The following TMC1 variants were observed in gnomAD, a reference collection of about 807,000 sequenced individuals.
TMC1 encodes the protein transmembrane channel like 1, also known as transmembrane channel-like protein 1.
Under a neutral mutation model 105.8 loss-of-function variants are expected in TMC1, and 84 were observed. The observed-to-expected ratio is 0.79, with a 90% CI of 0.67 to 0.95. The LOEUF (loss-of-function observed/expected upper bound fraction) is 0.95, where lower values mean the gene tolerates loss of function less well. Among genes scored for constraint, TMC1 ranks in the 40% least tolerant of loss-of-function variants. TMC1 has a pLI of 0.00. For synonymous variants in TMC1, 315 were observed against 311.5 expected (o/e 1.01, Z -0.12); for missense variants, 817 against 914.1 (o/e 0.89, Z 1.37).
At chr9:72,728,341 G>A (rs191153697) in intron 8 of TMC1, among the ~76,000 whole-genome samples, 1 of 152,264 alleles carries the variant, frequency 6.6e-6, no homozygotes, top group East Asian at 1.9e-4. Context: ...GATTCCTCTG[G>A]TGCCCTCTCT....
At chr9:72,552,107 T>C (rs1366863640) in intron 1 of TMC1, among the ~76,000 whole-genome samples, 1 of 152,158 alleles carries the variant, frequency 6.6e-6, no homozygotes, top group Non-Finnish European at 1.5e-5. Context: ...AGTGACCTTG[T>C]GTCTTCTGCC....
rs555517698 is a variant in TMC1 at position 72,830,499 on chromosome 9, G to A, written c.2178G>A (p.Ala726=). Residue 726 remains alanine, a synonymous_variant, in exon 22 of 24, where the codon GCG becomes GCA. Coordinates refer to ENST00000297784, the MANE Select transcript of TMC1 (RefSeq NM_138691.3). ...LNATAKGQKA[A]NLDLKKKMKM... ...CTACTGCCAAGGGCCAGAAGGCAGC[G>A]AATCTGGATCTCAAAAAGAAGATGA... The A allele has an allele frequency of 9.9e-6, 16 of 1,613,546 alleles. No homozygotes were observed. The highest frequency in any genetic ancestry group is 1.7e-4 in the Middle Eastern group (1 of 5,996).
intron 5 of TMC1, among the ~76,000 whole-genome samples, chr9:72,683,044 A>G (rs957624230): frequency 4.6e-5 from 7 of 152,214 alleles, no homozygotes; most frequent in African/African-American, 1.7e-4. Context: ...GTCTGCGCCC[A>G]TGATCCAGTC....
At chr9:72,560,776 G>A (rs1479772918) in intron 1 of TMC1, among the ~76,000 whole-genome samples, 5 of 151,754 alleles carry the variant, frequency 3.3e-5, no homozygotes, top group South Asian at 2.1e-4. Context: ...GAGCCACCGC[G>A]CCCGGCCTCA....
intron 5 of TMC1, among the ~76,000 whole-genome samples, chr9:72,681,811 C>A (rs539375540): frequency 1.3e-4 from 20 of 152,276 alleles, no homozygotes; most frequent in African/African-American, 4.8e-4. Context: ...AGTGTCCTCT[C>A]TCTGTGACCT....
At chr9:72,673,517 A>G (rs955306523) in intron 5 of TMC1, among the ~76,000 whole-genome samples, 12 of 152,154 alleles carry the variant, frequency 7.9e-5, no homozygotes, top group African/African-American at 2.9e-4. Flanking sequence ...CTGTATATGT[A>G]GCACCCAAAA....
At chr9:72,585,341 G>A (rs1824539213) in intron 2 of TMC1, among the ~76,000 whole-genome samples, 1 of 151,440 alleles carries the variant, frequency 6.6e-6, no homozygotes, top group African/African-American at 2.4e-5. Context: ...TAGTAGAGAC[G>A]GGGTTTCAGC....
At position 72,673,379 on chromosome 9, in the gene TMC1, AAAAAC is replaced by A. The variant is rs1181550009; in HGVS notation, c.17-15315_17-15311del. Among the ~76,000 whole-genome samples, 55 of 152,286 alleles carry A rather than the reference AAAAAC, an allele frequency of 3.6e-4. 1 individual carries two copies. The South Asian group carries it at 0.01, about 29-fold the overall frequency. On this transcript the variant is annotated intron_variant, in intron 5 of 23. Transcript: ENST00000297784. ...CTGAAATCAATAAAGTAGAAAACAGAAAAACAAAACAAAACAAAATTTAATAACAC... is the reference window on the plus strand; with the variant it reads ...CTGAAATCAATAAAGTAGAAAACAGAAAAACAAAACAAAATTTAATAACAC...
intron 8 of TMC1, among the ~76,000 whole-genome samples, chr9:72,722,355 G>A (rs965288760): frequency 3.3e-5 from 5 of 152,078 alleles, no homozygotes; most frequent in Non-Finnish European, 7.4e-5. Flanking sequence ...AGACATGCCA[G>A]GTACCTGTTA....
chr9:72,571,482 C>T (rs1431240228), intron 1 of TMC1, among the ~76,000 whole-genome samples: 1 of 145,576 alleles, frequency 6.9e-6, no homozygotes, highest in Non-Finnish European at 1.5e-5. Flanking sequence ...GAGTCTCGCT[C>T]TGTCGCCCAG....
intron 8 of TMC1, among the ~76,000 whole-genome samples, chr9:72,721,855 C>T (rs1370091430): frequency 3.3e-5 from 5 of 152,182 alleles, no homozygotes; most frequent in Non-Finnish European, 5.9e-5. Context: ...ACTGTTCATG[C>T]ACTATAGTCA....
intron 12 of TMC1, among the ~76,000 whole-genome samples, chr9:72,757,406 T>C (rs1483079065): frequency 6.6e-6 from 1 of 152,204 alleles, no homozygotes; most frequent in East Asian, 1.9e-4. Context: ...AGTGAGATAA[T>C]GCATGAAATA....
intron 2 of TMC1, among the ~76,000 whole-genome samples, chr9:72,581,017 C>T (rs116031526): frequency 0.038 from 5,724 of 152,274 alleles, 152 homozygotes; most frequent in Middle Eastern, 0.095. Context: ...GAAAGTCCAG[C>T]TTTCACTGCA....
intron 4 of TMC1, among the ~76,000 whole-genome samples, chr9:72,635,078 G>A (rs924839202): frequency 2.5e-4 from 38 of 151,950 alleles, no homozygotes; most frequent in African/African-American, 7.3e-4. Context: ...CCAATGTGGC[G>A]AAACCCCGTC....
At chr9:72,816,390 C>T (rs1828788916) in intron 19 of TMC1, among the ~76,000 whole-genome samples, 180 bp downstream of exon 19, 1 of 152,134 alleles carries the variant, frequency 6.6e-6, no homozygotes, top group Admixed American at 6.5e-5. Context: ...TGTCAGTCAT[C>T]AAAGGTGTCT....
chr9:72,546,184 T>C (rs916187933), intron 1 of TMC1, among the ~76,000 whole-genome samples: 16 of 151,762 alleles, frequency 1.1e-4, no homozygotes, highest in African/African-American at 3.6e-4. Flanking sequence ...TCCCAGCTAC[T>C]TGAGAGGCTG....
At chr9:72,700,987 C>G (rs1453785104) in intron 8 of TMC1, among the ~76,000 whole-genome samples, 2 of 151,834 alleles carry the variant, frequency 1.3e-5, no homozygotes, top group African/African-American at 4.8e-5. Flanking sequence ...TATTTAGAGT[C>G]TTTTAAATTC....
chr9:72,585,270 C>A (rs895197313), intron 2 of TMC1, among the ~76,000 whole-genome samples: 14 of 151,764 alleles, frequency 9.2e-5, no homozygotes, highest in African/African-American at 3.4e-4. Context: ...CCGGCCGCAG[C>A]CTCCTGAGTA....
intron 1 of TMC1, among the ~76,000 whole-genome samples, chr9:72,555,901 A>G (rs538887402): frequency 1.4e-5 from 2 of 145,270 alleles, no homozygotes; most frequent in Admixed American, 7.1e-5. Context: ...GATTAGAGGC[A>G]TGAGCCACTG....
Sources: allele counts gnomAD v4.1 joint callset (sites outside exome capture counted in the v4.1 genomes callset), GRCh38; gene constraint gnomAD v4.1.1; transcripts MANE v1.5; gene names NCBI Gene and HGNC (gene_info 2026-07-23, HGNC 2026-07-21).